The following ZNF521 variants were observed in gnomAD, a reference collection of about 807,000 sequenced individuals.
ZNF521 encodes the protein zinc finger protein 521.
ZNF521 carries 14 observed loss-of-function variants against 105.5 expected under a neutral mutation model. That is an observed-to-expected ratio of 0.13 (90% CI 0.09 to 0.21). The LOEUF (loss-of-function observed/expected upper bound fraction) is 0.21. Among genes scored for constraint, ZNF521 ranks in the 10% least tolerant of loss-of-function variants. The pLI, the probability that ZNF521 is intolerant of heterozygous loss-of-function variation, is 1.00. For synonymous variants in ZNF521, 635 were observed against 606.0 expected, an observed-to-expected ratio of 1.05 and a Z score of -0.70; for missense variants, 1,233 against 1,629.7, an observed-to-expected ratio of 0.76 and a Z score of 4.19.
intron 7 of ZNF521, among the ~76,000 whole-genome samples, chr18:25,084,530 C>T (rs971398861): frequency 7.1e-6 from 1 of 140,228 alleles, no homozygotes; most frequent in African/African-American, 2.5e-5. Context: ...CGGTATATCC[C>T]TCAAATGTCA....
At chr18:25,189,035 G>C (rs756571181) in intron 5 of ZNF521, among the ~76,000 whole-genome samples, 1 of 152,170 alleles carries the variant, frequency 6.6e-6, no homozygotes, top group East Asian at 1.9e-4. Flanking sequence ...TAAAACACAT[G>C]ATTTGTCTTT....
At chr18:25,205,123 T>C (rs1053098785) in intron 4 of ZNF521, among the ~76,000 whole-genome samples, 10 of 104,928 alleles carry the variant, frequency 9.5e-5, no homozygotes, top group African/African-American at 2.8e-4. Context: ...ACAGACTAAA[T>C]TGATGCCGTA....
At chr18:25,339,074 C>T (rs554835833) in intron 2 of ZNF521, among the ~76,000 whole-genome samples, 11 of 152,102 alleles carry the variant, frequency 7.2e-5, no homozygotes, top group Non-Finnish European at 1.5e-4. Flanking sequence ...AAAATATGGC[C>T]AGAACTTGCA....
rs1446315277 is a variant in ZNF521, at chr18:25,080,673, C to T, written c.3906+8792G>A. ...AAGACGCTGGAATGGATTCTTTGCT[C>T]GTTTCAGGGGATTTATAGTGGAAGC... On this transcript the variant is annotated intron_variant, in intron 7 of 7. Coordinates refer to ENST00000361524, the MANE Select transcript of ZNF521 (RefSeq NM_015461.3). Among the ~76,000 whole-genome samples, 6 of 152,288 alleles carry T rather than the reference C, an allele frequency of 3.9e-5. 1 individual carries two copies. The South Asian group carries it at 6.2e-4, about 16-fold the overall frequency.
intron 7 of ZNF521, among the ~76,000 whole-genome samples, chr18:25,082,890 AAAGT>A: frequency 6.6e-6 from 1 of 151,602 alleles, no homozygotes; most frequent in Non-Finnish European, 1.5e-5. Flanking sequence ...TAGGAAATAA[AAAGT>A]AAGCCCTTGA....
chr18:25,277,000 T>A (rs1406400437), intron 3 of ZNF521, among the ~76,000 whole-genome samples: 2 of 152,066 alleles, frequency 1.3e-5, no homozygotes. Flanking sequence ...CTGGCCAACA[T>A]GATGAAACCT....
intron 4 of ZNF521, among the ~76,000 whole-genome samples, chr18:25,207,026 AT>A (rs548398662): frequency 6.6e-6 from 1 of 152,054 alleles, no homozygotes; most frequent in Non-Finnish European, 1.5e-5. Flanking sequence ...AATTATCTAG[AT>A]TTTTCAAAAC....
chr18:25,212,919 T>C (rs2036217720), intron 4 of ZNF521, among the ~76,000 whole-genome samples: 1 of 151,552 alleles, frequency 6.6e-6, no homozygotes, highest in South Asian at 2.1e-4. Flanking sequence ...TTGCTAAAGT[T>C]TTATTGTAAT....
At chr18:25,156,854 C>G (rs2035154000) in intron 5 of ZNF521, among the ~76,000 whole-genome samples, 2 of 152,140 alleles carry the variant, frequency 1.3e-5, no homozygotes, top group Admixed American at 1.3e-4. Context: ...AATATGAAGA[C>G]AGCAAACCAA....
intron 5 of ZNF521, among the ~76,000 whole-genome samples, chr18:25,142,762 A>T (rs373217315): frequency 6.6e-6 from 1 of 151,738 alleles, no homozygotes; most frequent in Non-Finnish European, 1.5e-5. Flanking sequence ...TTTGTAAGTT[A>T]TTTTTTGCAT....
chr18:25,315,359 A>T (rs1912546677), intron 3 of ZNF521, among the ~76,000 whole-genome samples: 1 of 152,056 alleles, frequency 6.6e-6, no homozygotes, highest in African/African-American at 2.4e-5. Flanking sequence ...TGGACTGTAG[A>T]CTCCAGGAAA....
intron 3 of ZNF521, among the ~76,000 whole-genome samples, chr18:25,244,860 A>G (rs989867443): frequency 6.6e-6 from 1 of 152,224 alleles, no homozygotes; most frequent in Non-Finnish European, 1.5e-5. Flanking sequence ...GCATAGCTGC[A>G]TTCTGTGGCC....
At chr18:25,342,936 G>C (rs751274670) in intron 2 of ZNF521, among the ~76,000 whole-genome samples, 1 of 152,164 alleles carries the variant, frequency 6.6e-6, no homozygotes. Context: ...CTAAGAACAC[G>C]TATGAAATGC....
At position 25,062,724 on chromosome 18, in the gene ZNF521, T is replaced by G. The variant is rs2032931064; in HGVS notation, c.3924A>C (p.Gln1308His). ...QTELQNHTMT[Q>H]HSS ...GACTGTACTTGCACTAACTGCTGTG[T>G]TGGGTCATTGTATGATTCTGTAAAT... The change falls in exon 8 of 8, where the codon CAA (glutamine) becomes CAC (histidine). Residue 1308 changes from glutamine (Q) to histidine (H), a missense_variant. This residue lies in a region of ZNF521 where 76 missense variants were observed against 137.2 expected (regional missense o/e 0.55). Coordinates refer to ENST00000361524, the MANE Select transcript of ZNF521 (RefSeq NM_015461.3). 2.6e-6 allele frequency: 4 copies of G among 1,523,338 alleles called. No individual in the cohort carries two copies. Among genetic ancestry groups the G allele is most frequent in the Non-Finnish European group, 3.5e-6 (4 of 1,133,594 alleles). The allele number at this position is 1,523,338 out of a possible 1,614,324, so 94.4% of individuals were successfully genotyped here. A position where few individuals can be genotyped will look rare whatever the true frequency, so the allele number is the denominator to read the frequency against.
intron 4 of ZNF521, among the ~76,000 whole-genome samples, chr18:25,216,871 G>A (rs1252177595): frequency 6.6e-6 from 1 of 152,110 alleles, no homozygotes; most frequent in Non-Finnish European, 1.5e-5. Context: ...AACAAATAAT[G>A]ACATTTTTAA....
intron 3 of ZNF521, among the ~76,000 whole-genome samples, chr18:25,318,793 T>C (rs1912776241): frequency 1.3e-5 from 2 of 152,212 alleles, no homozygotes; most frequent in African/African-American, 2.4e-5. Flanking sequence ...AGCCATATTA[T>C]GAGTGTATTA....
chr18:25,345,402 G>A (rs1245686325), intron 2 of ZNF521: 1 of 152,230 alleles, frequency 6.6e-6, no homozygotes, highest in Non-Finnish European at 1.5e-5. Flanking sequence ...AAGGCTGCTT[G>A]CTAATCTCAA....
intron 5 of ZNF521, among the ~76,000 whole-genome samples, chr18:25,104,993 G>C (rs778906390): frequency 1.3e-5 from 2 of 152,072 alleles, no homozygotes; most frequent in Admixed American, 6.6e-5. Context: ...TTTGCCCTGG[G>C]CTATTTTAAA....
rs551993141 is a variant in ZNF521, at chr18:25,333,802, T to C, written c.41-11615A>G. On this transcript the variant is annotated intron_variant, in intron 2 of 7. Coordinates refer to ENST00000361524, the MANE Select transcript of ZNF521 (RefSeq NM_015461.3). ...TCTGCCAGTGGGAAATATGAATTTG[T>C]TTCTCCTCTATCTGCTTCATGGTGT... 4.6e-5 allele frequency among the ~76,000 whole-genome samples: 7 copies of C among 152,314 alleles called. No homozygotes were observed. In the South Asian group the frequency reaches 1.2e-3, roughly 27 times the overall value.
Sources: gnomAD v4.1 joint callset for allele counts (sites outside exome capture counted in the v4.1 genomes callset) on GRCh38, gnomAD v4.1.1 for gene constraint, gnomAD v4.1.1 regional missense constraint, MANE v1.5 for transcripts, NCBI Gene and HGNC (gene_info 2026-07-23, HGNC 2026-07-21) for gene names.